Variants in ZYG11B observed in about 807,000 individuals in gnomAD.
The protein encoded by ZYG11B is protein zyg-11 homolog B.
Under a neutral mutation model 82.4 loss-of-function variants are expected in ZYG11B, and 36 were observed. The observed-to-expected ratio is 0.44, with a 90% CI of 0.33 to 0.58. The LOEUF (loss-of-function observed/expected upper bound fraction) is 0.58. Among genes scored for constraint, ZYG11B ranks in the 20% least tolerant of loss-of-function variants. ZYG11B has a pLI of 0.02. For synonymous variants in ZYG11B, 303 were observed against 312.8 expected (o/e 0.97, Z 0.33); for missense variants, 552 against 895.6 (o/e 0.62, Z 4.90).
intron 1 of ZYG11B, among the ~76,000 whole-genome samples, chr1:52,737,776 C>A (rs1644390158): frequency 6.6e-6 from 1 of 152,126 alleles, no homozygotes; most frequent in South Asian, 2.1e-4. Context: ...AAAAACACAA[C>A]AATACTGAGC....
chr1:52,806,430 C>A (rs1558141831), intron 10 of ZYG11B, among the ~76,000 whole-genome samples: 1 of 152,172 alleles, frequency 6.6e-6, no homozygotes, highest in Non-Finnish European at 1.5e-5. Context: ...AAATCTCTGA[C>A]TGTAATTGTA....
rs1323560258 is a variant in ZYG11B at position 52,826,835 on chromosome 1, C to A, written c.*5206C>A. On this transcript the variant is annotated 3_prime_UTR_variant, in exon 14 of 14. Coordinates refer to ENST00000294353, the MANE Select transcript of ZYG11B (RefSeq NM_024646.3). ...TTAATGTTATGTGTTTAATTTTGGA[C>A]TTATTTTGGGAAAAACTGTTCAAAT... 1 of 152,100 alleles carries A rather than the reference C, an allele frequency of 6.6e-6. No homozygotes were observed. The highest frequency in any genetic ancestry group is 1.9e-4 in the East Asian group (1 of 5,194). 9.4% of individuals were successfully genotyped at this position (152,100 alleles called of 1,614,324 possible).
chr1:52,731,253 CAACA>C (rs1457097414), intron 1 of ZYG11B, among the ~76,000 whole-genome samples: 25 of 145,640 alleles, frequency 1.7e-4, no homozygotes, highest in Non-Finnish European at 4.5e-5. Flanking sequence ...CCAGCCTGGG[CAACA>C]GAGTGAGGCT....
chr1:52,744,405 CTGT>C (rs767539897), intron 1 of ZYG11B, among the ~76,000 whole-genome samples: 5 of 152,180 alleles, frequency 3.3e-5, no homozygotes, highest in Admixed American at 3.3e-4. Context: ...GAATATATTC[CTGT>C]TGTTAAGCAA....
At chr1:52,766,239 A>G (rs1433846986) in intron 2 of ZYG11B, among the ~76,000 whole-genome samples, 4 of 145,856 alleles carry the variant, frequency 2.7e-5, no homozygotes, top group East Asian at 2.0e-4. Context: ...TTCTGTCTCA[A>G]CCTCCTGGGT....
intron 6 of ZYG11B, among the ~76,000 whole-genome samples, chr1:52,794,617 A>G (rs765924503): frequency 1.2e-4 from 19 of 152,174 alleles, no homozygotes; most frequent in Non-Finnish European, 2.2e-4. Flanking sequence ...TGGATCTCTG[A>G]CAGCTATACC....
chr1:52,805,370 G>T, intron 10 of ZYG11B: 1 of 429,788 alleles, frequency 2.3e-6, no homozygotes, highest in South Asian at 1.6e-5. Context: ...CCTATCTGTT[G>T]TTGTAGCCTT....
At position 52,771,335 on chromosome 1, in the gene ZYG11B, A is replaced by G; in HGVS notation, c.512A>G (p.Asn171Ser). ...LSGLRALSIT[N>S]VLFYNEDLAE... ...GGCCTTCGAGCTTTAAGCATCACGA[A>G]TGTTCTCTTTTACAATGAAGACCTG... Residue 171 changes from asparagine to serine, a missense_variant, in exon 3 of 14, where the codon AAT becomes AGT. By Grantham distance (46) the Asn-to-Ser change is conservative. Transcript: ENST00000294353. The surrounding 1 kb of genome is among the most constrained non-coding windows in gnomAD (Gnocchi z 5.4). The G allele has an allele frequency of 6.2e-7, 1 of 1,614,186 alleles. No homozygotes were observed. The highest frequency in any genetic ancestry group is 8.5e-7 in the Non-Finnish European group (1 of 1,180,034).
At chr1:52,736,447 CTTTTTCTTT>C (rs746318496) in intron 1 of ZYG11B, among the ~76,000 whole-genome samples, 147 of 151,406 alleles carry the variant, frequency 9.7e-4, no homozygotes, top group Non-Finnish European at 1.6e-3. Flanking sequence ...TAATTTTTTT[CTTTTTCTTT>C]TTTTTCTTTT....
chr1:52,776,628 C>T (rs80309776), intron 3 of ZYG11B, among the ~76,000 whole-genome samples: 3,992 of 151,426 alleles, frequency 0.026, 137 homozygotes, highest in East Asian at 0.17. Context: ...GGATATATTT[C>T]GTATAAGAGA....
chr1:52,763,066 A>G (rs1451678925), intron 2 of ZYG11B, among the ~76,000 whole-genome samples: 2 of 151,710 alleles, frequency 1.3e-5, no homozygotes, highest in South Asian at 2.1e-4. Flanking sequence ...TTTCCCAGTC[A>G]ATGTCATTGG....
At chr1:52,768,904 C>A (rs61768347) in intron 2 of ZYG11B, among the ~76,000 whole-genome samples, 1 of 152,132 alleles carries the variant, frequency 6.6e-6, no homozygotes, top group African/African-American at 2.4e-5. Flanking sequence ...TACTAACCTC[C>A]TTTCTCTATC....
At chr1:52,813,123 C>G (rs932238632) in intron 10 of ZYG11B, among the ~76,000 whole-genome samples, 1 of 152,190 alleles carries the variant, frequency 6.6e-6, no homozygotes, top group Non-Finnish European at 1.5e-5. Context: ...GTGAACTACT[C>G]CTATCCCTGT....
intron 8 of ZYG11B, among the ~76,000 whole-genome samples, chr1:52,797,048 T>A (rs186400075): frequency 0.015 from 1,295 of 88,816 alleles, 39 homozygotes; most frequent in African/African-American, 0.061. Flanking sequence ...TATAAATTTT[T>A]ATATATTATA....
At chr1:52,751,663 A>G (rs4926930) in intron 1 of ZYG11B, among the ~76,000 whole-genome samples, 90,431 of 151,568 alleles carry the variant, frequency 0.6, 29,643 homozygotes, top group East Asian at 0.97. Context: ...CCAAAATTTG[A>G]TCTTCATACC....
At chr1:52,736,944 T>C (rs929099729) in intron 1 of ZYG11B, among the ~76,000 whole-genome samples, 1 of 152,140 alleles carries the variant, frequency 6.6e-6, no homozygotes, top group African/African-American at 2.4e-5. Flanking sequence ...TTTTTACTGC[T>C]TTAGCCTTAT....
chr1:52,727,461 T>C (rs1644295815), intron 1 of ZYG11B, among the ~76,000 whole-genome samples: 1 of 152,212 alleles, frequency 6.6e-6, no homozygotes, highest in African/African-American at 2.4e-5. Context: ...TCAGGAGAGA[T>C]CTAGTCTTTT....
At chr1:52,789,934 A>C (rs565148521) in intron 5 of ZYG11B, 69 bp from the exon 6 acceptor site, 7 of 1,073,362 alleles carry the variant, frequency 6.5e-6, no homozygotes, top group Admixed American at 5.2e-5. Flanking sequence ...TTTTTATGGA[A>C]GCTACCATGG....
chr1:52,800,946 T>C (rs1571790855), intron 8 of ZYG11B, among the ~76,000 whole-genome samples: 3 of 152,350 alleles, frequency 2.0e-5, no homozygotes, highest in East Asian at 3.9e-4. Context: ...TATATCTGTT[T>C]TAACAGAGCT....
Sources: allele counts gnomAD v4.1 joint callset (sites outside exome capture counted in the v4.1 genomes callset), GRCh38; gene constraint gnomAD v4.1.1; non-coding constraint Gnocchi (gnomAD v3.1); transcripts MANE v1.5; gene names NCBI Gene and HGNC (gene_info 2026-07-23, HGNC 2026-07-21).